The following MAST4 variants were observed in gnomAD, a reference collection of about 807,000 sequenced individuals.
MAST4 encodes the protein microtubule associated serine/threonine kinase family member 4, also known as microtubule-associated serine/threonine-protein kinase 4.
MAST4 carries 89 observed loss-of-function variants against 162.7 expected under a neutral mutation model. The observed-to-expected ratio is 0.55, with a 90% CI of 0.46 to 0.65. MAST4 has a LOEUF of 0.65. Ranked by LOEUF, MAST4 falls within the 30% of genes least tolerant of loss-of-function variation. The probability of loss-of-function intolerance (pLI) is 0.00; values close to 1 mark genes in which losing one functional copy is unlikely to be tolerated. For synonymous variants in MAST4, 1,479 were observed against 1,361.1 expected (o/e 1.09, Z -1.91); for missense variants, 3,153 against 3,374.0 (o/e 0.93, Z 1.62).
chr5:66,787,268 C>A (rs912811583), intron 2 of MAST4, among the ~76,000 whole-genome samples: 1 of 152,214 alleles, frequency 6.6e-6, no homozygotes, highest in Non-Finnish European at 1.5e-5. Flanking sequence ...GAGAGATTGA[C>A]TAACTTTCCC....
At chr5:66,868,212 T>C (rs1760666834) in intron 3 of MAST4, among the ~76,000 whole-genome samples, 1 of 152,126 alleles carries the variant, frequency 6.6e-6, no homozygotes. Flanking sequence ...TTCTTGGATG[T>C]GTCATAGGAT....
chr5:66,612,455 G>C (rs895021570), intron 1 of MAST4, among the ~76,000 whole-genome samples: 2 of 152,198 alleles, frequency 1.3e-5, no homozygotes, highest in African/African-American at 4.8e-5. Flanking sequence ...GTGTGAAACT[G>C]CCAGTTCTTT....
At position 66,961,183 on chromosome 5, in the gene MAST4, CTT is replaced by C. The variant is rs531168715; in HGVS notation, c.674+61203_674+61204del. Among the ~76,000 whole-genome samples, 24 of 152,264 alleles carry C rather than the reference CTT, an allele frequency of 1.6e-4. No homozygotes were observed. The South Asian group carries it at 5.0e-3, about 32-fold the overall frequency. ...TCATGGAGAAAGCTAATTCTGCAGT[CTT>C]TGAGTAAATTCAACTTCTAGCCACT... On this transcript the variant is annotated intron_variant, in intron 4 of 28. Transcript: ENST00000403625.
chr5:66,825,598 T>G (rs868769087), intron 3 of MAST4, among the ~76,000 whole-genome samples: 2 of 152,352 alleles, frequency 1.3e-5, no homozygotes, highest in African/African-American at 4.8e-5. Flanking sequence ...CTTGTTTTTC[T>G]CAGTTGGTAT....
chr5:66,648,075 TGTGTGTGTGA>T (rs1248041319), intron 1 of MAST4, among the ~76,000 whole-genome samples: 6 of 95,394 alleles, frequency 6.3e-5, no homozygotes, highest in African/African-American at 2.4e-4. Flanking sequence ...TGTGTGTGTG[TGTGTGTGTGA>T]GAGAGAGAGA....
intron 3 of MAST4, among the ~76,000 whole-genome samples, chr5:66,882,468 A>G (rs1203076283): frequency 1.3e-5 from 2 of 151,756 alleles, no homozygotes; most frequent in South Asian, 2.1e-4. Flanking sequence ...GATAATTTCT[A>G]TTATTTTGAC....
intron 23 of MAST4, among the ~76,000 whole-genome samples, chr5:67,147,178 T>C (rs79194649): frequency 2.0e-5 from 3 of 151,844 alleles, no homozygotes; most frequent in Non-Finnish European, 4.4e-5. Context: ...TCTCTCTCTC[T>C]CCCCCATACG....
chr5:67,160,611 C>A lies in MAST4; in HGVS notation c.3785+19C>A, dbSNP rs749197524. The A allele has an allele frequency of 6.2e-7, 1 of 1,611,086 alleles. No homozygotes were observed. Among genetic ancestry groups the A allele is most frequent in the Non-Finnish European group, 8.5e-7 (1 of 1,178,796 alleles). ...TCGAAAGGTTAGTAAAATCAGTATT[C>A]TTTTTAAGTTTGGTGTATACCTATG... On this transcript the variant is annotated intron_variant, in intron 27 of 28. Transcript: ENST00000403625.
At chr5:66,853,940 A>G (rs1230757779) in intron 3 of MAST4, among the ~76,000 whole-genome samples, 1 of 152,204 alleles carries the variant, frequency 6.6e-6, no homozygotes, top group Non-Finnish European at 1.5e-5. Context: ...GAAATTAAAC[A>G]TTTATAACAA....
chr5:66,788,677 C>T lies in MAST4; in HGVS notation c.525C>T (p.Tyr175=). 6.6e-7 allele frequency: 1 copy of T among 1,520,168 alleles called. No individual in the cohort carries two copies. Among genetic ancestry groups the T allele is most frequent in the East Asian group, 2.7e-5 (1 of 37,502 alleles). 94.2% of individuals were successfully genotyped at this position (1,520,168 alleles called of 1,614,324 possible). ...GSLGGALTGR[Y]LLPNPVAGQA... ...TCTCTTTAACTCCAACAGGGAGGTA[C>T]CTTCTTCCAAACCCGGTGGCGGGAC... Residue 175 remains tyrosine, a synonymous_variant, in exon 3 of 29, where the codon TAC becomes TAT. Transcript: ENST00000403625.
chr5:67,087,454 A>G (rs6876842), intron 5 of MAST4, among the ~76,000 whole-genome samples: 3,077 of 152,242 alleles, frequency 0.02, 115 homozygotes, highest in African/African-American at 0.071. Flanking sequence ...ACTAATCAGT[A>G]CCAATAAACA....
intron 3 of MAST4, chr5:66,792,383 T>C (rs1459249267): frequency 1.2e-5 from 2 of 167,532 alleles, no homozygotes; most frequent in African/African-American, 4.8e-5. Context: ...TCTTTGTGTT[T>C]ATGTCGAATA....
At chr5:66,615,098 G>A (rs1035363842) in intron 1 of MAST4, among the ~76,000 whole-genome samples, 1 of 152,196 alleles carries the variant, frequency 6.6e-6, no homozygotes, top group Non-Finnish European at 1.5e-5. Context: ...TTTGTAAAAA[G>A]TTTAAACCTA....
chr5:66,606,000 A>C (rs1223113719), intron 1 of MAST4, among the ~76,000 whole-genome samples: 1 of 152,232 alleles, frequency 6.6e-6, no homozygotes, highest in Admixed American at 6.5e-5. Flanking sequence ...AACAATGACA[A>C]TTTTGTAACC....
At chr5:66,854,508 G>T (rs139233547) in intron 3 of MAST4, among the ~76,000 whole-genome samples, 1 of 152,110 alleles carries the variant, frequency 6.6e-6, no homozygotes, top group Non-Finnish European at 1.5e-5. Context: ...CTGGACTGGG[G>T]CACCACCTGC....
intron 1 of MAST4, among the ~76,000 whole-genome samples, chr5:66,645,727 A>C (rs1199157143): frequency 6.6e-6 from 1 of 152,214 alleles, no homozygotes; most frequent in African/African-American, 2.4e-5. Flanking sequence ...TAAAAAAGTA[A>C]AGGTAAATTA....
At chr5:67,075,167 T>TG (rs1172135786) in intron 5 of MAST4, among the ~76,000 whole-genome samples, 1 of 151,488 alleles carries the variant, frequency 6.6e-6, no homozygotes, top group Non-Finnish European at 1.5e-5. Flanking sequence ...ATGAGTTTTT[T>TG]TTTTTTTTTT....
chr5:67,134,826 C>G, intron 18 of MAST4, 138 bp downstream of exon 18: 1 of 667,498 alleles, frequency 1.5e-6, no homozygotes, highest in East Asian at 2.7e-5. Flanking sequence ...ACTCACTCAT[C>G]AAAGCATATA....
At chr5:66,891,319 T>C (rs1408189536) in intron 3 of MAST4, among the ~76,000 whole-genome samples, 1 of 152,080 alleles carries the variant, frequency 6.6e-6, no homozygotes, top group Non-Finnish European at 1.5e-5. Flanking sequence ...CACATTTCTC[T>C]CCTGACTCTG....
Sources: gnomAD v4.1 joint callset for allele counts (sites outside exome capture counted in the v4.1 genomes callset) on GRCh38, gnomAD v4.1.1 for gene constraint, MANE v1.5 for transcripts, NCBI Gene and HGNC (gene_info 2026-07-23, HGNC 2026-07-21) for gene names.